Variants in FLOT1 observed in about 807,000 individuals in gnomAD.
The protein encoded by FLOT1 is flotillin-1.
Under a neutral mutation model 58.4 loss-of-function variants are expected in FLOT1, and 40 were observed. That is an observed-to-expected ratio of 0.69 (90% CI 0.53 to 0.89). The LOEUF (loss-of-function observed/expected upper bound fraction) is 0.89. Among genes scored for constraint, FLOT1 ranks in the 40% least tolerant of loss-of-function variants. The probability of loss-of-function intolerance (pLI) is 0.00; values close to 1 mark genes in which losing one functional copy is unlikely to be tolerated. For synonymous variants in FLOT1, 178 were observed against 204.2 expected (o/e 0.87, Z 1.09); for missense variants, 423 against 540.8 (o/e 0.78, Z 2.16).
At position 30,737,620 on chromosome 6, in the gene FLOT1, T is replaced by C. The variant is rs1777691029; in HGVS notation, c.723+2538A>G. On this transcript the variant is annotated intron_variant, in intron 8 of 12. Transcript: ENST00000376389. The surrounding 1 kb of genome is among the most constrained non-coding windows in gnomAD (Gnocchi z 4.4). Reference sequence around the variant, plus strand: ...AATATTCTTGGCTCAGAACTGTACATTGTTCCTTCTTATCTCCAAGTCTGA... The same window carrying C: ...AATATTCTTGGCTCAGAACTGTACACTGTTCCTTCTTATCTCCAAGTCTGA... Among the ~76,000 whole-genome samples the C allele has an allele frequency of 6.6e-6, 1 of 152,134 alleles. No individual in the cohort carries two copies. The highest frequency in any genetic ancestry group is 2.4e-5 in the African/African-American group (1 of 41,422).
intron 8 of FLOT1, among the ~76,000 whole-genome samples, chr6:30,733,063 T>G (rs969555060): frequency 2.6e-5 from 4 of 152,130 alleles, no homozygotes; most frequent in African/African-American, 9.7e-5. Flanking sequence ...GAGATGGAAT[T>G]TCGCTCTTGG....
At position 30,728,074 on chromosome 6, in the gene FLOT1, C is replaced by T. The variant is rs374882178; in HGVS notation, c.*42G>A. On this transcript the variant is annotated 3_prime_UTR_variant, in exon 13 of 13. Transcript: ENST00000376389. ...ACATGCAACAGGAGGATCATTCAGG[C>T]AACTTCAGCTATGAGGCTGGGCATC... is the stretch of plus-strand genomic sequence containing the variant. 7 of 1,603,418 alleles carry T rather than the reference C, an allele frequency of 4.4e-6. No individual in the cohort carries two copies. The highest frequency in any genetic ancestry group is 1.1e-5 in the South Asian group (1 of 90,866).
chr6:30,742,532 G>A lies in FLOT1; in HGVS notation c.-20C>T. 2 of 323,654 alleles carry A rather than the reference G, an allele frequency of 6.2e-6. No homozygotes were observed. Among genetic ancestry groups the A allele is most frequent in the South Asian group, 8.9e-5 (2 of 22,438 alleles). 20.0% of individuals were successfully genotyped at this position (323,654 alleles called of 1,614,324 possible). A position where few individuals can be genotyped will look rare whatever the true frequency, so the allele number is the denominator to read the frequency against. ...ATCTCCCCTCCCCCACTCACCTTCCGGGACGCGGGCGGCAGCCCGGCTGGG... is the reference window on the plus strand; with the variant it reads ...ATCTCCCCTCCCCCACTCACCTTCCAGGACGCGGGCGGCAGCCCGGCTGGG... On this transcript the variant is annotated 5_prime_UTR_variant, in exon 1 of 13. Transcript: ENST00000376389. The surrounding 1 kb of genome is among the most constrained non-coding windows in gnomAD (Gnocchi z 5.2).
chr6:30,733,698 C>A (rs1168020458), intron 8 of FLOT1, among the ~76,000 whole-genome samples: 1 of 147,244 alleles, frequency 6.8e-6, no homozygotes, highest in Non-Finnish European at 1.5e-5. Flanking sequence ...TGAGATCACG[C>A]CATTGCACTC....
At position 30,742,249 on chromosome 6, in the gene FLOT1, T is replaced by G. The variant is rs1156575942; in HGVS notation, c.-14-46A>C. 1.3e-6 allele frequency: 2 copies of G among 1,541,452 alleles called. No individual in the cohort carries two copies. Among genetic ancestry groups the G allele is most frequent in the Non-Finnish European group, 1.8e-6 (2 of 1,114,884 alleles). On this transcript the variant is annotated intron_variant, in intron 1 of 12. Transcript: ENST00000376389. This position sits in a 1 kb window ranked among gnomAD's most constrained non-coding sequence, Gnocchi z 5.2. ...GCCTTTGCGGATGGGGAAGGCGCGC[T>G]GTGGCGTCCACAGGGGCCCATCCTT...
rs897496084 is a variant in FLOT1 at position 30,740,988 on chromosome 6, G to C, written c.355-190C>G. ...TTGTAGTAGAGAAGGGGTTTCACCA[G>C]GTTGGCTAGGCTGGTCTCGAACTCC... is the stretch of plus-strand genomic sequence containing the variant. On this transcript the variant is annotated intron_variant, in intron 5 of 12. Transcript: ENST00000376389. The C allele has an allele frequency of 2.8e-6, 3 of 1,080,966 alleles. No homozygotes were observed. The African/African-American group carries it at 4.8e-5, about 17-fold the overall frequency. 67.0% of individuals were successfully genotyped at this position (1,080,966 alleles called of 1,614,324 possible).
Position 30,727,822 on chromosome 6 carries a change from C to T in FLOT1, c.*294G>A. 1.8e-6 allele frequency: 1 copy of T among 556,456 alleles called. No homozygotes were observed. The highest frequency in any genetic ancestry group is 1.9e-5 in the African/African-American group (1 of 53,350). 34.5% of individuals were successfully genotyped at this position (556,456 alleles called of 1,614,324 possible). A position where few individuals can be genotyped will look rare whatever the true frequency, so the allele number is the denominator to read the frequency against. ...GTCTTGGTCAGGAAAATATTCTAGACAACAGGCTCAAACAGTCTGATTTAA... is the reference window on the plus strand; with the variant it reads ...GTCTTGGTCAGGAAAATATTCTAGATAACAGGCTCAAACAGTCTGATTTAA... On this transcript the variant is annotated 3_prime_UTR_variant, in exon 13 of 13. Transcript: ENST00000376389.
At chr6:30,736,761 T>C (rs1183772370) in intron 8 of FLOT1, among the ~76,000 whole-genome samples, 1 of 151,426 alleles carries the variant, frequency 6.6e-6, no homozygotes, top group Non-Finnish European at 1.5e-5. Context: ...GCCCAGCTAA[T>C]TTTTTGTATT....
chr6:30,729,891 G>T, intron 12 of FLOT1, 131 bp downstream of exon 12: 1 of 758,222 alleles, frequency 1.3e-6, no homozygotes, highest in Non-Finnish European at 2.2e-6. Flanking sequence ...TTAGCACTGT[G>T]TCTGGCACAC....
At chr6:30,740,112 A>G in intron 8 of FLOT1, 46 bp downstream of exon 8, 1 of 1,591,896 alleles carries the variant, frequency 6.3e-7, no homozygotes, top group Non-Finnish European at 8.6e-7. Context: ...GGACAGCCTG[A>G]GAGGAATGGG....
Position 30,737,208 on chromosome 6 carries a change from T to TCCGTC in FLOT1, c.723+2949_723+2950insGACGG, listed in dbSNP as rs1554208448. On this transcript the variant is annotated intron_variant, in intron 8 of 12. Coordinates refer to ENST00000376389, the MANE Select transcript of FLOT1 (RefSeq NM_005803.4). The surrounding 1 kb of genome is among the most constrained non-coding windows in gnomAD (Gnocchi z 4.4). ...GACTGACTGACTGACTGACTGTCTG[T>TCCGTC]CGTCCGTCCGTCCGTCCGTCCGTCC... 1.4e-5 allele frequency among the ~76,000 whole-genome samples: 2 copies of TCCGTC among 138,130 alleles called. No individual in the cohort carries two copies. Among genetic ancestry groups the TCCGTC allele is most frequent in the African/African-American group, 5.6e-5 (2 of 35,750 alleles). The allele number at this position is 138,130 out of a possible 152,430, so 90.6% of individuals were successfully genotyped here. A position where few individuals can be genotyped will look rare whatever the true frequency, so the allele number is the denominator to read the frequency against.
chr6:30,731,087 T>TTA lies in FLOT1; in HGVS notation c.735_736dup (p.Lys246IlefsTer53). On this transcript the variant is annotated frameshift_variant, in exon 9 of 13. Coordinates refer to ENST00000376389, the MANE Select transcript of FLOT1 (RefSeq NM_005803.4). LOFTEE classifies it high-confidence loss of function. Reference sequence around the variant, plus strand: ...CACCCGCTGCTCCTCAATCTGCTGCTTAGTCTTGGCCACCTGGGTAGGAGG... The same window carrying TTA: ...CACCCGCTGCTCCTCAATCTGCTGCTTATAGTCTTGGCCACCTGGGTAGGAGG... The TTA allele has an allele frequency of 1.2e-6, 2 of 1,606,586 alleles. No homozygotes were observed. The highest frequency in any genetic ancestry group is 8.5e-7 in the Non-Finnish European group (1 of 1,178,648).
At position 30,741,814 on chromosome 6, in the gene FLOT1, G is replaced by T; in HGVS notation, c.97C>A (p.Pro33Thr). Reference protein sequence around the residue: ...MVAGGRVFVLPCIQQIQRISL... With the variant: ...MVAGGRVFVLTCIQQIQRISL... Reference sequence around the variant, plus strand: ...TACCTCTGGATCTGTTGGATGCAGGGCAGGACAAAGACACGCCCTCCAGCC... The same window carrying T: ...TACCTCTGGATCTGTTGGATGCAGGTCAGGACAAAGACACGCCCTCCAGCC... Residue 33 changes from proline to threonine, a missense_variant, in exon 3 of 13, where the codon CCC (proline) becomes ACC (threonine). By Grantham distance (38) the Pro-to-Thr change is conservative. Coordinates refer to ENST00000376389, the MANE Select transcript of FLOT1 (RefSeq NM_005803.4). This position sits in a 1 kb window ranked among gnomAD's most constrained non-coding sequence, Gnocchi z 5.9. 6.2e-7 allele frequency: 1 copy of T among 1,613,040 alleles called. No individual in the cohort carries two copies. The highest frequency in any genetic ancestry group is 8.5e-7 in the Non-Finnish European group (1 of 1,180,012).
Position 30,741,094 on chromosome 6 carries a change from A to ATGC in FLOT1, c.354+93_354+95dup. Reference sequence around the variant, plus strand: ...GAACCACCCTGCCCGGCCGGGATGTATGCTCTTGGATCCACTGTCTCTCAC... The same window carrying ATGC: ...GAACCACCCTGCCCGGCCGGGATGTATGCTGCTCTTGGATCCACTGTCTCTCAC... On this transcript the variant is annotated intron_variant, in intron 5 of 12. Transcript: ENST00000376389. The surrounding 1 kb of genome is among the most constrained non-coding windows in gnomAD (Gnocchi z 5.9). The ATGC allele has an allele frequency of 6.9e-7, 1 of 1,450,860 alleles. No homozygotes were observed. Among genetic ancestry groups the ATGC allele is most frequent in the South Asian group, 1.2e-5 (1 of 85,724 alleles). The allele number at this position is 1,450,860 out of a possible 1,614,324, so 89.9% of individuals were successfully genotyped here. A position where few individuals can be genotyped will look rare whatever the true frequency, so the allele number is the denominator to read the frequency against.
At chr6:30,730,233 T>C in intron 11 of FLOT1, 47 bp from the exon 12 acceptor site, 1 of 1,600,014 alleles carries the variant, frequency 6.2e-7, no homozygotes, top group Admixed American at 1.7e-5. Flanking sequence ...CTGACCACAT[T>C]CCTCATAAAA....
At chr6:30,740,332 A>G in intron 7 of FLOT1, 22 bp from the exon 8 acceptor site, 1 of 1,612,714 alleles carries the variant, frequency 6.2e-7, no homozygotes, top group South Asian at 1.1e-5. Flanking sequence ...GAGATCAGGT[A>G]GGAAATGTCA....
intron 8 of FLOT1, among the ~76,000 whole-genome samples, chr6:30,736,113 G>A (rs1026877473): frequency 2.0e-5 from 3 of 152,020 alleles, no homozygotes; most frequent in Admixed American, 6.6e-5. Flanking sequence ...TTAGCCAGGC[G>A]TGGTGGCATA....
rs369296084 is a variant in FLOT1, at chr6:30,730,902, A to G, written c.905+17T>C. Reference sequence around the variant, plus strand: ...GGTGGCAAGTGAGCTAGGCAGGGTCAGGGAGGGGACATTTACTTCTCTGCC... The same window carrying G: ...GGTGGCAAGTGAGCTAGGCAGGGTCGGGGAGGGGACATTTACTTCTCTGCC... On this transcript the variant is annotated intron_variant, in intron 9 of 12. Transcript: ENST00000376389. The G allele has an allele frequency of 1.9e-4, 310 of 1,607,672 alleles. 3 individuals are homozygous for G. The South Asian group carries it at 2.2e-3, about 11-fold the overall frequency.
intron 8 of FLOT1, among the ~76,000 whole-genome samples, chr6:30,734,046 GAAAAAAAAAAAAA>G (rs796499603): frequency 2.0e-5 from 1 of 48,804 alleles, no homozygotes; most frequent in Admixed American, 2.8e-4. Context: ...CCCTGTCTCT[GAAAAAAAAAAAAA>G]AAAAAAAAAA....
Sources: allele counts gnomAD v4.1 joint callset (sites outside exome capture counted in the v4.1 genomes callset), GRCh38; gene constraint gnomAD v4.1.1; non-coding constraint Gnocchi (gnomAD v3.1); transcripts MANE v1.5; gene names NCBI Gene and HGNC (gene_info 2026-07-23, HGNC 2026-07-21).